Variants in DNM3 observed in about 807,000 individuals in gnomAD.
DNM3 encodes the protein dynamin 3, also known as dynamin-3.
DNM3 carries 47 observed loss-of-function variants against 101.6 expected under a neutral mutation model. The ratio of observed to expected loss-of-function variants is 0.46; its 90% CI spans 0.37 to 0.59. The LOEUF (loss-of-function observed/expected upper bound fraction) is 0.59, where lower values mean the gene tolerates loss of function less well. Ranked by LOEUF, DNM3 falls within the 20% of genes least tolerant of loss-of-function variation. DNM3 has a pLI of 0.00. For missense variants in DNM3, 849 were observed against 1,085.7 expected (o/e 0.78, Z 3.06); for synonymous variants, 385 against 387.9 (o/e 0.99, Z 0.09).
chr1:171,911,221 G>C (rs2039267051), intron 1 of DNM3, among the ~76,000 whole-genome samples: 1 of 146,520 alleles, frequency 6.8e-6, no homozygotes, highest in Admixed American at 6.8e-5. Context: ...AGTGGAGAAA[G>C]CAACCTACAC....
chr1:172,167,301 T>G (rs2058784922), intron 14 of DNM3, among the ~76,000 whole-genome samples: 1 of 152,154 alleles, frequency 6.6e-6, no homozygotes, highest in Non-Finnish European at 1.5e-5. Context: ...TGCCACATTT[T>G]CTTAATCCAG....
intron 10 of DNM3, among the ~76,000 whole-genome samples, chr1:172,060,030 C>G (rs1215523147): frequency 6.6e-6 from 1 of 152,048 alleles, no homozygotes; most frequent in Non-Finnish European, 1.5e-5. Flanking sequence ...ACAGAAATCA[C>G]AAGCATTCTT....
intron 14 of DNM3, among the ~76,000 whole-genome samples, chr1:172,159,851 T>A (rs1328538243): frequency 2.6e-5 from 4 of 152,046 alleles, no homozygotes; most frequent in Non-Finnish European, 4.4e-5. Context: ...ATTTCATCCT[T>A]GTAGAAATAT....
intron 7 of DNM3, among the ~76,000 whole-genome samples, chr1:172,041,495 G>T (rs1217077513): frequency 1.3e-5 from 2 of 152,208 alleles, no homozygotes; most frequent in East Asian, 3.9e-4. Flanking sequence ...TCACTCTTCT[G>T]AGAGTTATAG....
chr1:171,929,843 A>G (rs1277655966), intron 2 of DNM3, among the ~76,000 whole-genome samples: 1 of 152,118 alleles, frequency 6.6e-6, no homozygotes. Context: ...GTCTGGCCAC[A>G]TTTTCGTAGA....
At chr1:171,992,126 A>C (rs1405433318) in intron 4 of DNM3, among the ~76,000 whole-genome samples, 1 of 152,208 alleles carries the variant, frequency 6.6e-6, no homozygotes, top group Non-Finnish European at 1.5e-5. Context: ...AAACTAAAAA[A>C]ATTGGCCAAC....
rs368278477 is a variant in DNM3, at chr1:172,068,915, G to A, written c.1422+10G>A. 2 of 1,553,714 alleles carry A rather than the reference G, an allele frequency of 1.3e-6. No homozygotes were observed. Among genetic ancestry groups the A allele is most frequent in the East Asian group, 4.9e-5 (2 of 41,210 alleles). ...GAAGACAAAGGACCAGGTAAAGAGAGGTCTTCCCTGGTGGGCAGGGAGATT... is the reference window on the plus strand; with the variant it reads ...GAAGACAAAGGACCAGGTAAAGAGAAGTCTTCCCTGGTGGGCAGGGAGATT... On this transcript the variant is annotated intron_variant, in intron 11 of 20. Transcript: ENST00000627582.
At chr1:171,891,981 G>A (rs907390408) in intron 1 of DNM3, among the ~76,000 whole-genome samples, 1 of 152,116 alleles carries the variant, frequency 6.6e-6, no homozygotes, top group African/African-American at 2.4e-5. Flanking sequence ...TCATCTGCGT[G>A]GGAGTTTTGT....
intron 14 of DNM3, among the ~76,000 whole-genome samples, chr1:172,201,676 T>C (rs1446541913): frequency 6.6e-6 from 1 of 152,198 alleles, no homozygotes. Context: ...CCTTCATTAG[T>C]GCAAGGGTAG....
At chr1:172,261,676 A>G (rs2062658176) in intron 15 of DNM3, among the ~76,000 whole-genome samples, 1 of 152,204 alleles carries the variant, frequency 6.6e-6, no homozygotes, top group African/African-American at 2.4e-5. Flanking sequence ...ATGGTGGAAC[A>G]TCCATCTGGG....
At chr1:171,997,232 T>A (rs2046059507) in intron 4 of DNM3, among the ~76,000 whole-genome samples, 1 of 152,142 alleles carries the variant, frequency 6.6e-6, no homozygotes. Context: ...TATGATTTAA[T>A]GAGGCTTGAT....
intron 14 of DNM3, among the ~76,000 whole-genome samples, chr1:172,228,857 T>C (rs1022734667): frequency 6.6e-6 from 1 of 152,142 alleles, no homozygotes; most frequent in Admixed American, 6.6e-5. Context: ...ATGGTTGATT[T>C]GGAGTGCAGT....
intron 1 of DNM3, among the ~76,000 whole-genome samples, chr1:171,854,117 A>G (rs748214165): frequency 8.5e-5 from 13 of 152,202 alleles, no homozygotes; most frequent in Non-Finnish European, 1.8e-4. Context: ...TTTGCCCTTA[A>G]CAGAAACTAG....
At position 172,412,657 on chromosome 1, in the gene DNM3, C is replaced by T. The variant is rs190056929; in HGVS notation, c.*4816C>T. 7.9e-5 allele frequency: 78 copies of T among 985,462 alleles called. No individual in the cohort carries two copies. The African/African-American group carries it at 1.3e-3, about 16-fold the overall frequency. The allele number at this position is 985,462 out of a possible 1,614,324, so 61.0% of individuals were successfully genotyped here. A position where few individuals can be genotyped will look rare whatever the true frequency, so the allele number is the denominator to read the frequency against. On this transcript the variant is annotated 3_prime_UTR_variant, in exon 21 of 21. Coordinates refer to ENST00000627582, the MANE Select transcript of DNM3 (RefSeq NM_015569.5). Reference sequence around the variant, plus strand: ...GTATCGTTCTTGAAGGTCACATGTACCTATTGTGAAAATGTGAAGCTGTAT... The same window carrying T: ...GTATCGTTCTTGAAGGTCACATGTATCTATTGTGAAAATGTGAAGCTGTAT...
chr1:172,235,660 A>C (rs892063668), intron 14 of DNM3, among the ~76,000 whole-genome samples: 16 of 152,066 alleles, frequency 1.1e-4, no homozygotes, highest in Non-Finnish European at 1.5e-4. Flanking sequence ...GAATACTATG[A>C]ACCCATAAAA....
intron 14 of DNM3, among the ~76,000 whole-genome samples, chr1:172,191,994 C>T (rs1454535182): frequency 1.3e-5 from 2 of 152,106 alleles, no homozygotes; most frequent in Non-Finnish European, 1.5e-5. Context: ...ATTTCTTTCT[C>T]CTGCCTGATT....
At chr1:172,063,241 C>T (rs1238569408) in intron 10 of DNM3, among the ~76,000 whole-genome samples, 1 of 152,152 alleles carries the variant, frequency 6.6e-6, no homozygotes, top group Non-Finnish European at 1.5e-5. Flanking sequence ...ATATGGAAAT[C>T]TTGCCTGGTC....
intron 2 of DNM3, among the ~76,000 whole-genome samples, chr1:171,979,294 A>G (rs1361743746): frequency 6.6e-6 from 1 of 152,204 alleles, no homozygotes; most frequent in Non-Finnish European, 1.5e-5. Context: ...TATTTGGAAT[A>G]TAGTTTATCT....
intron 2 of DNM3, among the ~76,000 whole-genome samples, chr1:171,942,886 A>G (rs1241195703): frequency 6.6e-6 from 1 of 152,116 alleles, no homozygotes; most frequent in Non-Finnish European, 1.5e-5. Flanking sequence ...CTGAGGCAGG[A>G]GGACTGCTTG....
Sources: gnomAD v4.1 joint callset for allele counts (sites outside exome capture counted in the v4.1 genomes callset) on GRCh38, gnomAD v4.1.1 for gene constraint, MANE v1.5 for transcripts, NCBI Gene and HGNC (gene_info 2026-07-23, HGNC 2026-07-21) for gene names.